NTM: variants seen among roughly 807,000 people sequenced by gnomAD.
NTM encodes the protein neurotrimin, also known as IgLON family member 2.
In NTM, 13 loss-of-function variants were observed where a neutral mutation model predicts 42.1. That is an observed-to-expected ratio of 0.31 (90% CI 0.20 to 0.49). NTM has a LOEUF of 0.49. NTM is among the 20% of genes least tolerant of loss of function. NTM has a pLI of 0.99. For missense variants in NTM, 373 were observed against 452.8 expected (o/e 0.82, Z 1.60); for synonymous variants, 187 against 179.2 (o/e 1.04, Z -0.35).
chr11:132,058,894 T>C (rs529392875), intron 2 of NTM, among the ~76,000 whole-genome samples: 1 of 152,278 alleles, frequency 6.6e-6, no homozygotes, highest in African/African-American at 2.4e-5. Flanking sequence ...TTGAATGAAA[T>C]TAAGCCAATG....
chr11:131,804,126 C>T (rs772144668), intron 1 of NTM, among the ~76,000 whole-genome samples: 3 of 152,194 alleles, frequency 2.0e-5, no homozygotes, highest in African/African-American at 4.8e-5. Context: ...CACCTGCATC[C>T]TAGTTTGGTA....
chr11:131,560,023 C>T (rs2056016481), intron 1 of NTM, among the ~76,000 whole-genome samples: 1 of 152,210 alleles, frequency 6.6e-6, no homozygotes, highest in Non-Finnish European at 1.5e-5. Context: ...TTTGACTCTG[C>T]AATTGGTGCT....
chr11:131,944,421 A>C (rs1261250580), intron 2 of NTM, among the ~76,000 whole-genome samples: 1 of 152,236 alleles, frequency 6.6e-6, no homozygotes, highest in Non-Finnish European at 1.5e-5. Context: ...CATGCACAAA[A>C]CATAGGGAAC....
chr11:131,697,208 A>G (rs771267183), intron 1 of NTM, among the ~76,000 whole-genome samples: 2 of 152,230 alleles, frequency 1.3e-5, no homozygotes, highest in South Asian at 2.1e-4. Context: ...AGTCATTACA[A>G]TTTTAGAATG....
rs1173275378 is a variant in NTM at position 131,740,046 on chromosome 11, T to C, written c.83-171518T>C. On this transcript the variant is annotated intron_variant, in intron 1 of 8. Coordinates refer to ENST00000683400, the MANE Select transcript of NTM (RefSeq NM_001352005.2). ...TTGAAGCTTCGCTCTGACACTTTAC[T>C]GCGCAGATTGCTGAGTAAGTTACTT... Among the ~76,000 whole-genome samples the C allele has an allele frequency of 2.0e-5, 3 of 152,346 alleles. No homozygotes were observed. The East Asian group carries it at 5.8e-4, about 29-fold the overall frequency.
At chr11:132,288,398 C>A (rs1030250955) in intron 4 of NTM, among the ~76,000 whole-genome samples, 1 of 152,198 alleles carries the variant, frequency 6.6e-6, no homozygotes, top group Non-Finnish European at 1.5e-5. Context: ...AATATAATTT[C>A]TTTGGCACCT....
At chr11:131,549,472 C>T (rs2054365221) in intron 1 of NTM, among the ~76,000 whole-genome samples, 1 of 152,052 alleles carries the variant, frequency 6.6e-6, no homozygotes, top group African/African-American at 2.4e-5. Flanking sequence ...TGTCAACTGC[C>T]TACAAGATGT....
At chr11:132,316,268 C>T (rs1047395458) in intron 7 of NTM, among the ~76,000 whole-genome samples, 8 of 152,132 alleles carry the variant, frequency 5.3e-5, no homozygotes, top group African/African-American at 1.2e-4. Flanking sequence ...AAACAGTTCT[C>T]GTAAGAGTTG....
At chr11:132,080,945 A>G (rs554722785) in intron 2 of NTM, among the ~76,000 whole-genome samples, 2 of 152,090 alleles carry the variant, frequency 1.3e-5, no homozygotes, top group Non-Finnish European at 2.9e-5. Context: ...AAAAATGTAA[A>G]AGTTTAGGGC....
intron 2 of NTM, among the ~76,000 whole-genome samples, chr11:131,951,142 AT>A (rs1565808959): frequency 6.6e-6 from 1 of 152,138 alleles, no homozygotes; most frequent in Admixed American, 6.5e-5. Flanking sequence ...AGTTCTTAGT[AT>A]GGTACCGTGA....
intron 4 of NTM, among the ~76,000 whole-genome samples, chr11:132,243,861 T>G (rs1253600723): frequency 6.6e-6 from 1 of 152,146 alleles, no homozygotes; most frequent in Non-Finnish European, 1.5e-5. Context: ...CCCCCAGCCC[T>G]GCAGCATGGC....
intron 1 of NTM, among the ~76,000 whole-genome samples, chr11:131,575,429 T>C (rs1467313700): frequency 6.6e-6 from 1 of 152,202 alleles, no homozygotes; most frequent in Admixed American, 6.5e-5. Context: ...CTATTATTTA[T>C]ATGGCAGTAC....
At chr11:131,541,146 C>T (rs1260543921) in intron 1 of NTM, among the ~76,000 whole-genome samples, 2 of 152,174 alleles carry the variant, frequency 1.3e-5, no homozygotes, top group African/African-American at 2.4e-5. Context: ...AGGCCATGTC[C>T]ACCCTTTCCA....
At chr11:131,901,757 T>A (rs2053194687) in intron 1 of NTM, among the ~76,000 whole-genome samples, 1 of 152,246 alleles carries the variant, frequency 6.6e-6, no homozygotes. Context: ...GATTATTTCA[T>A]GTGTTGTGGT....
intron 1 of NTM, among the ~76,000 whole-genome samples, chr11:131,780,336 C>A (rs531097987): frequency 2.6e-5 from 4 of 152,112 alleles, no homozygotes; most frequent in South Asian, 4.1e-4. Flanking sequence ...GAACGATAGA[C>A]GAGACGACCT....
intron 4 of NTM, among the ~76,000 whole-genome samples, chr11:132,229,651 G>A (rs1416251564): frequency 2.0e-5 from 3 of 152,198 alleles, no homozygotes. Flanking sequence ...CGTCTAAACT[G>A]TGTTGGACGA....
chr11:131,562,394 T>C (rs2056348908), intron 1 of NTM, among the ~76,000 whole-genome samples: 1 of 152,162 alleles, frequency 6.6e-6, no homozygotes, highest in Admixed American at 6.5e-5. Flanking sequence ...TATCAAAATA[T>C]GTCAGCAGCA....
intron 1 of NTM, among the ~76,000 whole-genome samples, chr11:131,550,158 A>G (rs1023793023): frequency 2.0e-4 from 31 of 152,388 alleles, no homozygotes; most frequent in African/African-American, 7.5e-4. Context: ...AATGTTTACT[A>G]TGTGCCAAGC....
intron 1 of NTM, among the ~76,000 whole-genome samples, chr11:131,589,167 A>ATGTGTG (rs58237274): frequency 0.042 from 6,079 of 143,518 alleles, 157 homozygotes; most frequent in Middle Eastern, 0.069. Context: ...ACCTGGAAAA[A>ATGTGTG]TGTGTGTGTG....
Sources: gnomAD v4.1 joint callset for allele counts (sites outside exome capture counted in the v4.1 genomes callset) on GRCh38, gnomAD v4.1.1 for gene constraint, MANE v1.5 for transcripts, NCBI Gene and HGNC (gene_info 2026-07-23, HGNC 2026-07-21) for gene names.